TJP2: variants seen among roughly 807,000 people sequenced by gnomAD.
The protein encoded by TJP2 is Friedreich ataxia region gene X104 (tight junction protein ZO-2).
A neutral mutation model predicts 133.1 loss-of-function variants in TJP2; 91 were observed. The ratio of observed to expected loss-of-function variants is 0.68; its 90% CI spans 0.58 to 0.81. The LOEUF (loss-of-function observed/expected upper bound fraction) is 0.81, where lower values mean the gene tolerates loss of function less well. Among genes scored for constraint, TJP2 ranks in the 40% least tolerant of loss-of-function variants. TJP2 has a pLI of 0.00. For missense variants in TJP2, 1,541 were observed against 1,565.6 expected, an observed-to-expected ratio of 0.98 and a Z score of 0.26; for synonymous variants, 592 against 583.4, an observed-to-expected ratio of 1.01 and a Z score of -0.21.
At chr9:69,206,074 T>C (rs952823047) in intron 1 of TJP2, among the ~76,000 whole-genome samples, 2 of 152,178 alleles carry the variant, frequency 1.3e-5, no homozygotes, top group South Asian at 2.1e-4. Flanking sequence ...ATGCATTAAG[T>C]TTTTTGTTTA....
intron 6 of TJP2, 39 bp downstream of exon 6, chr9:69,225,446 G>A: frequency 1.4e-5 from 18 of 1,289,434 alleles, no homozygotes; most frequent in Non-Finnish European, 1.8e-5. Context: ...TGTGCATACT[G>A]CCGTTCATCG....
intron 1 of TJP2, among the ~76,000 whole-genome samples, chr9:69,133,546 C>CTTTTTTTTTTTTTTTTTTTTTTTTTTTTT: frequency 9.5e-6 from 1 of 104,782 alleles, no homozygotes; most frequent in Non-Finnish European, 1.8e-5. Flanking sequence ...ATTTTTCTGG[C>CTTTTTTTTTTTTTTTTTTTTTTTTTTTTT]TTTTTTTTTT....
At chr9:69,134,254 C>T (rs555411344) in intron 1 of TJP2, among the ~76,000 whole-genome samples, 7 of 152,250 alleles carry the variant, frequency 4.6e-5, no homozygotes, top group South Asian at 2.1e-4. Context: ...ATGGATACAA[C>T]GTCAGCAAAA....
rs531996680 is a variant in TJP2 at position 69,184,820 on chromosome 9, A to G, written c.60+10388A>G. Among the ~76,000 whole-genome samples the G allele has an allele frequency of 2.2e-5, 3 of 139,332 alleles. No homozygotes were observed. In the East Asian group the frequency reaches 6.3e-4, roughly 29 times the overall value. The allele number at this position is 139,332 out of a possible 152,430, so 91.4% of individuals were successfully genotyped here. A position where few individuals can be genotyped will look rare whatever the true frequency, so the allele number is the denominator to read the frequency against. ...GGCTGGAGTGCAGTGGTGCCGTCACAGCTCACTGCAGCCTCGACTTCCCTG... is the reference window on the plus strand; with the variant it reads ...GGCTGGAGTGCAGTGGTGCCGTCACGGCTCACTGCAGCCTCGACTTCCCTG... On this transcript the variant is annotated intron_variant, in intron 1 of 22. Coordinates refer to ENST00000377245, the MANE Select transcript of TJP2 (RefSeq NM_004817.4).
At chr9:69,203,607 A>ATTTTTTTTTTTTTTTTTTTTTTTTTTT (rs754221310) in intron 1 of TJP2, among the ~76,000 whole-genome samples, 1 of 67,860 alleles carries the variant, frequency 1.5e-5, no homozygotes, top group Non-Finnish European at 2.5e-5. Flanking sequence ...CCCAGCCTGG[A>ATTTTTTTTTTTTTTTTTTTTTTTTTTT]TTTTTTTTTT....
chr9:69,224,751 T>C (rs982412864), intron 5 of TJP2, among the ~76,000 whole-genome samples: 1 of 152,194 alleles, frequency 6.6e-6, no homozygotes, highest in African/African-American at 2.4e-5. Flanking sequence ...TTACCAGTTG[T>C]TAACATTTTG....
At chr9:69,253,371 TCA>T in intron 22 of TJP2, 1 of 163,616 alleles carries the variant, frequency 6.1e-6, no homozygotes, top group Non-Finnish European at 1.3e-5. Flanking sequence ...GTAGGAATGT[TCA>T]CAGTGTCTTC....
chr9:69,121,442 C>T (rs554111479), upstream of TJP2: 122 of 749,180 alleles, frequency 1.6e-4, 1 homozygote, highest in African/African-American at 2.1e-3. Flanking sequence ...CCCCTGCCCC[C>T]ACCCTGGATT....
intron 20 of TJP2, 191 bp downstream of exon 20, chr9:69,249,676 G>A: frequency 1.0e-6 from 1 of 985,410 alleles, no homozygotes; most frequent in Non-Finnish European, 1.2e-6. Flanking sequence ...CAAAAAGGAA[G>A]GAAAGGCAAT....
intron 5 of TJP2, among the ~76,000 whole-genome samples, chr9:69,221,821 G>A (rs1828889653): frequency 6.6e-6 from 1 of 151,184 alleles, no homozygotes; most frequent in East Asian, 1.9e-4. Context: ...CACAGTGCTG[G>A]GATTACAGGC....
chr9:69,251,043 C>T lies in TJP2; in HGVS notation c.3000C>T (p.Thr1000=). 6.2e-7 allele frequency: 1 copy of T among 1,614,072 alleles called. No individual in the cohort carries two copies. Reference sequence around the variant, plus strand: ...GTCATTGCTCTCCGCAGGCCAAAACCCAGAACAAAGAAGAATCCTATGACT... The same window carrying T: ...GTCATTGCTCTCCGCAGGCCAAAACTCAGAACAAAGAAGAATCCTATGACT... ...AFKPEPPKAK[T]QNKEESYDFS... is the part of the protein sequence containing the mutation. The change falls in exon 21 of 23, where the codon ACC becomes ACT. Residue 1000 remains threonine, a synonymous_variant. Transcript: ENST00000377245.
In TJP2 at chr9:69,184,219, G is replaced by A. The variant is rs915455284; in HGVS notation, c.60+9787G>A. On this transcript the variant is annotated intron_variant, in intron 1 of 22. Coordinates refer to ENST00000377245, the MANE Select transcript of TJP2 (RefSeq NM_004817.4). ...TCATTCTAGCTATTTCAAGGAGAAG[G>A]GGATTCAATACAGAGTATTAGTTGC... Among the ~76,000 whole-genome samples, 3 of 152,186 alleles carry A rather than the reference G, an allele frequency of 2.0e-5. No homozygotes were observed. In the South Asian group the frequency reaches 6.2e-4, roughly 31 times the overall value.
intron 1 of TJP2, among the ~76,000 whole-genome samples, chr9:69,208,483 C>T (rs1827609083): frequency 6.6e-6 from 1 of 152,028 alleles, no homozygotes; most frequent in South Asian, 2.1e-4. Context: ...TGGTAGCATC[C>T]CATTATTGAA....
chr9:69,171,047 A>G (rs1430193573), upstream of TJP2, among the ~76,000 whole-genome samples: 1 of 151,520 alleles, frequency 6.6e-6, no homozygotes, highest in Non-Finnish European at 1.5e-5. Context: ...TGGATGACCC[A>G]TAGCACTTGA....
intron 9 of TJP2, among the ~76,000 whole-genome samples, chr9:69,228,504 C>T (rs1377796629): frequency 1.3e-5 from 2 of 151,814 alleles, no homozygotes; most frequent in Non-Finnish European, 2.9e-5. Flanking sequence ...CCCACTGAAC[C>T]TAAAATAAAA....
chr9:69,209,073 T>C (rs1827655025), intron 1 of TJP2, among the ~76,000 whole-genome samples: 1 of 152,178 alleles, frequency 6.6e-6, no homozygotes, highest in South Asian at 2.1e-4. Flanking sequence ...AGGTGTTCTA[T>C]GGAAATGGAA....
At chr9:69,151,824 T>A (rs1823491125) in intron 2 of TJP2, 1 of 1,231,614 alleles carries the variant, frequency 8.1e-7, no homozygotes, top group African/African-American at 1.6e-5. Context: ...CCCCCAAAAT[T>A]TGTTCGAATA....
intron 1 of TJP2, among the ~76,000 whole-genome samples, chr9:69,179,730 A>T (rs1200474167): frequency 1.3e-5 from 2 of 151,784 alleles, no homozygotes; most frequent in Non-Finnish European, 2.9e-5. Flanking sequence ...TGATCTCCTG[A>T]CCTCGTGATC....
At chr9:69,160,151 A>G (rs182027797) in intron 2 of TJP2, among the ~76,000 whole-genome samples, 32 of 152,318 alleles carry the variant, frequency 2.1e-4, no homozygotes, top group Admixed American at 1.7e-3. Context: ...TATGTGATTT[A>G]GTGTTTACAA....
Sources: allele counts gnomAD v4.1 joint callset (sites outside exome capture counted in the v4.1 genomes callset), GRCh38; gene constraint gnomAD v4.1.1; transcripts MANE v1.5; gene names NCBI Gene and HGNC (gene_info 2026-07-23, HGNC 2026-07-21).